The following CADM2 variants were observed in gnomAD, a reference collection of about 807,000 sequenced individuals.
CADM2 encodes the protein immunoglobulin superfamily member 4D.
A neutral mutation model predicts 49.8 loss-of-function variants in CADM2; 12 were observed. That is an observed-to-expected ratio of 0.24 (90% CI 0.15 to 0.39). CADM2 has a LOEUF of 0.39. Among genes scored for constraint, CADM2 ranks in the 10% least tolerant of loss-of-function variants. The pLI is 1.00. For missense variants in CADM2, 378 were observed against 492.3 expected (o/e 0.77, Z 2.20); for synonymous variants, 214 against 175.4 (o/e 1.22, Z -1.74).
intron 3 of CADM2, among the ~76,000 whole-genome samples, chr3:85,848,840 C>T (rs56244272): frequency 3.3e-5 from 5 of 152,066 alleles, no homozygotes; most frequent in African/African-American, 9.7e-5. Context: ...AGGCACTGGT[C>T]TACTTCATTT....
At chr3:85,994,446 GT>G (rs1729126689) in intron 8 of CADM2, 1 of 152,144 alleles carries the variant, frequency 6.6e-6, no homozygotes, top group South Asian at 2.1e-4. Flanking sequence ...CAATAAGGCT[GT>G]TTTGCTCCCT....
intron 1 of CADM2, among the ~76,000 whole-genome samples, chr3:85,358,944 G>A (rs1486932595): frequency 1.3e-5 from 2 of 152,164 alleles, no homozygotes; most frequent in African/African-American, 4.8e-5. Flanking sequence ...CTGCAGGTTA[G>A]CACTTGGTCA....
chr3:85,263,454 A>G (rs986102976), intron 1 of CADM2, among the ~76,000 whole-genome samples: 1 of 152,126 alleles, frequency 6.6e-6, no homozygotes, highest in Non-Finnish European at 1.5e-5. Context: ...ATTTATTTTA[A>G]TCTTGTCATC....
At chr3:85,480,529 G>C (rs955412459) in intron 1 of CADM2, among the ~76,000 whole-genome samples, 1 of 151,820 alleles carries the variant, frequency 6.6e-6, no homozygotes, top group African/African-American at 2.4e-5. Context: ...TTGTTGAGAT[G>C]ATTAAATGAG....
chr3:85,306,195 T>A (rs1416275107), intron 1 of CADM2, among the ~76,000 whole-genome samples: 2 of 151,654 alleles, frequency 1.3e-5, no homozygotes, highest in African/African-American at 4.8e-5. Flanking sequence ...CAAATATAAA[T>A]AACCAGAATG....
At chr3:85,064,140 C>T (rs2036437326) in intron 1 of CADM2, among the ~76,000 whole-genome samples, 1 of 152,070 alleles carries the variant, frequency 6.6e-6, no homozygotes, top group Non-Finnish European at 1.5e-5. Context: ...CTTTGCTAAC[C>T]TTGCTCTAGG....
chr3:85,617,096 G>A (rs182280121), intron 1 of CADM2, among the ~76,000 whole-genome samples: 28 of 152,136 alleles, frequency 1.8e-4, no homozygotes, highest in Middle Eastern at 6.8e-3. Context: ...TTCCGTGGAC[G>A]CCAGCTGGGG....
At chr3:85,510,803 T>A (rs1184659786) in intron 1 of CADM2, among the ~76,000 whole-genome samples, 1 of 151,988 alleles carries the variant, frequency 6.6e-6, no homozygotes, top group African/African-American at 2.4e-5. Flanking sequence ...AGTTTCTACT[T>A]CATATGTAAT....
Position 85,293,027 on chromosome 3 carries a change from A to G in CADM2, c.61+333359A>G, listed in dbSNP as rs1306152388. On this transcript the variant is annotated intron_variant, in intron 1 of 9. Coordinates refer to ENST00000383699, the MANE Select transcript of CADM2 (RefSeq NM_001167675.2). ...CTGGTTTTTTGAAAGGATCAACAAA[A>G]TTGATAGACCGCTAGCAAGACTAAG... Among the ~76,000 whole-genome samples the G allele has an allele frequency of 2.0e-5, 3 of 152,222 alleles. No individual in the cohort carries two copies. The East Asian group carries it at 5.8e-4, about 29-fold the overall frequency.
intron 1 of CADM2, among the ~76,000 whole-genome samples, chr3:85,400,410 C>CT (rs1487482407): frequency 2.0e-5 from 3 of 152,004 alleles, no homozygotes; most frequent in East Asian, 1.9e-4. Context: ...CTAAAATTCT[C>CT]TTTTTTTGTT....
intron 1 of CADM2, among the ~76,000 whole-genome samples, chr3:85,584,524 A>G (rs926524992): frequency 6.6e-6 from 1 of 152,086 alleles, no homozygotes; most frequent in African/African-American, 2.4e-5. Flanking sequence ...GGGATAATTA[A>G]ATTTCCCAAG....
At chr3:85,932,633 G>A (rs1329923881) in intron 6 of CADM2, among the ~76,000 whole-genome samples, 2 of 152,134 alleles carry the variant, frequency 1.3e-5, no homozygotes, top group Non-Finnish European at 2.9e-5. Flanking sequence ...CAGGGAGGGG[G>A]TTGAGGAACA....
intron 1 of CADM2, among the ~76,000 whole-genome samples, chr3:85,390,063 A>C (rs569012493): frequency 3.2e-4 from 49 of 152,226 alleles, no homozygotes; most frequent in Non-Finnish European, 2.9e-4. Flanking sequence ...TAAAAGAATT[A>C]TATAAATATG....
At chr3:85,498,624 G>A (rs528652322) in intron 1 of CADM2, among the ~76,000 whole-genome samples, 22 of 152,234 alleles carry the variant, frequency 1.4e-4, no homozygotes, top group Non-Finnish European at 2.6e-4. Flanking sequence ...TTTACATCTA[G>A]TGATTTATTA....
chr3:85,844,192 A>G (rs1291551367), intron 3 of CADM2, among the ~76,000 whole-genome samples: 1 of 152,078 alleles, frequency 6.6e-6, no homozygotes, highest in Non-Finnish European at 1.5e-5. Context: ...TCTACAGAGA[A>G]CCTTTTTTCA....
intron 1 of CADM2, among the ~76,000 whole-genome samples, chr3:85,332,417 G>C (rs2044954003): frequency 6.6e-6 from 1 of 151,954 alleles, no homozygotes; most frequent in Non-Finnish European, 1.5e-5. Context: ...GAAAACCTGT[G>C]TGTAGGCTGA....
chr3:85,005,104 T>A (rs183181032), intron 1 of CADM2, among the ~76,000 whole-genome samples: 4 of 152,256 alleles, frequency 2.6e-5, no homozygotes, highest in African/African-American at 9.6e-5. Context: ...ATGCCCTTGG[T>A]AAATAGCAAT....
rs554074328 is a variant in CADM2 at position 85,208,711 on chromosome 3, G to A, written c.61+249043G>A. Among the ~76,000 whole-genome samples the A allele has an allele frequency of 2.0e-5, 3 of 152,200 alleles. No individual in the cohort carries two copies. In the East Asian group the frequency reaches 5.8e-4, roughly 29 times the overall value. ...AATATGGCTAATATTAAATACAGGT[G>A]ATTATAGCATTTGAAATTGAAATTA... On this transcript the variant is annotated intron_variant, in intron 1 of 9. Coordinates refer to ENST00000383699, the MANE Select transcript of CADM2 (RefSeq NM_001167675.2).
chr3:85,701,902 T>C (rs928741578), intron 1 of CADM2, among the ~76,000 whole-genome samples: 8 of 125,428 alleles, frequency 6.4e-5, no homozygotes, highest in Non-Finnish European at 1.3e-4. Context: ...GATAGATAGA[T>C]AGATAGATAT....
Sources: gnomAD v4.1 joint callset for allele counts (sites outside exome capture counted in the v4.1 genomes callset) on GRCh38, gnomAD v4.1.1 for gene constraint, MANE v1.5 for transcripts, NCBI Gene and HGNC (gene_info 2026-07-23, HGNC 2026-07-21) for gene names.